The following ADGRV1 variants were observed in gnomAD, a reference collection of about 807,000 sequenced individuals.
The protein encoded by ADGRV1 is adhesion G protein-coupled receptor V1, also known as G-protein coupled receptor 98.
In ADGRV1, 359 loss-of-function variants were observed where a neutral mutation model predicts 596.2. That is an observed-to-expected ratio of 0.60 (90% CI 0.55 to 0.66). The LOEUF is 0.66. Among genes scored for constraint, ADGRV1 ranks in the 30% least tolerant of loss-of-function variants. ADGRV1 has a pLI of 0.00. For synonymous variants in ADGRV1, 2,681 were observed against 2,679.2 expected, an observed-to-expected ratio of 1.00 and a Z score of -0.02; for missense variants, 7,274 against 7,575.6, an observed-to-expected ratio of 0.96 and a Z score of 1.48.
At chr5:90,954,289 G>A (rs1777292068) in intron 83 of ADGRV1, among the ~76,000 whole-genome samples, 1 of 151,080 alleles carries the variant, frequency 6.6e-6, no homozygotes, top group Non-Finnish European at 1.5e-5. Context: ...GTATATATGT[G>A]CTCACTAAAT....
chr5:90,604,494 G>A (rs992716905), intron 1 of ADGRV1, among the ~76,000 whole-genome samples: 2 of 152,154 alleles, frequency 1.3e-5, no homozygotes, highest in African/African-American at 4.8e-5. Context: ...GCTAATTAAA[G>A]TTGTTTTCAG....
intron 86 of ADGRV1, among the ~76,000 whole-genome samples, chr5:91,099,867 G>A (rs944422996): frequency 3.9e-5 from 6 of 152,184 alleles, no homozygotes; most frequent in African/African-American, 1.4e-4. Context: ...AGATCTAAAT[G>A]TGTTTGTGTG....
intron 45 of ADGRV1, among the ~76,000 whole-genome samples, chr5:90,722,980 G>A (rs991688065): frequency 6.6e-6 from 1 of 151,972 alleles, no homozygotes; most frequent in Non-Finnish European, 1.5e-5. Flanking sequence ...GGAGAAAACA[G>A]GATGGCAGAT....
At chr5:91,081,523 C>T (rs914403910) in intron 86 of ADGRV1, among the ~76,000 whole-genome samples, 4 of 152,140 alleles carry the variant, frequency 2.6e-5, no homozygotes, top group African/African-American at 7.2e-5. Flanking sequence ...GTGACTCACG[C>T]CCGTAATCCC....
chr5:90,883,733 G>A (rs1037466544), intron 83 of ADGRV1, among the ~76,000 whole-genome samples: 6 of 152,076 alleles, frequency 3.9e-5, no homozygotes, highest in African/African-American at 1.4e-4. Flanking sequence ...GCATTTTGTA[G>A]CTAGCAGATA....
chr5:90,642,803 C>T, intron 12 of ADGRV1, 41 bp downstream of exon 12: 1 of 1,603,878 alleles, frequency 6.2e-7, no homozygotes, highest in Non-Finnish European at 8.5e-7. Flanking sequence ...GTGCTCACAA[C>T]TTTAGAAGAA....
At chr5:90,800,598 C>A (rs1210771828) in intron 70 of ADGRV1, among the ~76,000 whole-genome samples, 1 of 152,148 alleles carries the variant, frequency 6.6e-6, no homozygotes, top group African/African-American at 2.4e-5. Flanking sequence ...GATTATAAAT[C>A]ATTCTACTGT....
intron 29 of ADGRV1, among the ~76,000 whole-genome samples, chr5:90,689,238 G>A (rs929018701): frequency 1.8e-4 from 28 of 152,068 alleles, no homozygotes; most frequent in African/African-American, 6.8e-4. Flanking sequence ...GCCTGTAGAG[G>A]GCCTCACACA....
chr5:90,859,323 C>T (rs2150431867), intron 82 of ADGRV1, among the ~76,000 whole-genome samples: 1 of 152,288 alleles, frequency 6.6e-6, no homozygotes, highest in African/African-American at 2.4e-5. Context: ...AATAAATACA[C>T]AGTATTGATC....
intron 83 of ADGRV1, among the ~76,000 whole-genome samples, chr5:90,914,655 C>T (rs987271565): frequency 1.3e-5 from 2 of 152,038 alleles, no homozygotes; most frequent in Non-Finnish European, 2.9e-5. Context: ...TTCCCCATTT[C>T]TGATTGATTT....
intron 83 of ADGRV1, among the ~76,000 whole-genome samples, chr5:90,910,526 CTA>C (rs1467167655): frequency 6.6e-6 from 1 of 151,412 alleles, no homozygotes; most frequent in African/African-American, 2.4e-5. Flanking sequence ...CTTTTAGTGT[CTA>C]TGTTTAGTTT....
In ADGRV1 at chr5:90,966,801, G is replaced by A. The variant is rs781376407; in HGVS notation, c.17973+1270G>A. Among the ~76,000 whole-genome samples the A allele has an allele frequency of 9.2e-5, 14 of 152,272 alleles. 1 individual carries two copies. Among genetic ancestry groups the A allele is most frequent in the South Asian group, 4.1e-4 (2 of 4,824 alleles). On this transcript the variant is annotated intron_variant, in intron 84 of 89. Coordinates refer to ENST00000405460, the MANE Select transcript of ADGRV1 (RefSeq NM_032119.4). The stretch of plus-strand genomic sequence containing the variant: ...AGAGGCTAAGAGAGGAGGATGGTGC[G>A]TAGTATTTAAGTGGCTCAACTAAAA...
Position 90,704,425 on chromosome 5 carries a change from G to A in ADGRV1, c.8323G>A (p.Asp2775Asn). The A allele has an allele frequency of 6.3e-7, 1 of 1,583,290 alleles. No individual in the cohort carries two copies. Among genetic ancestry groups the A allele is most frequent in the Non-Finnish European group, 8.6e-7 (1 of 1,163,130 alleles). ...LNTTLFVHLL[D>N]DNIPEEKEVY... Reference sequence around the variant, plus strand: ...TACAACATTGTTTGTGCATTTGTTGGATGACAACATTCCTGAGGAGAAAGA... The same window carrying A: ...TACAACATTGTTTGTGCATTTGTTGAATGACAACATTCCTGAGGAGAAAGA... Residue 2775 changes from aspartate (D) to asparagine (N), a missense_variant, in exon 36 of 90, where the codon GAT becomes AAT. Asp to Asn is a conservative substitution (Grantham distance 23). This residue lies in a region of ADGRV1 where 3,643 missense variants were observed against 3,809.2 expected (regional missense o/e 0.96). Coordinates refer to ENST00000405460, the MANE Select transcript of ADGRV1 (RefSeq NM_032119.4).
chr5:90,800,020 A>G (rs1761184485), intron 70 of ADGRV1, among the ~76,000 whole-genome samples: 1 of 152,230 alleles, frequency 6.6e-6, no homozygotes, highest in African/African-American at 2.4e-5. Flanking sequence ...AGGTATGGGC[A>G]AAGACTTCAT....
chr5:90,927,790 T>C (rs753032983), intron 83 of ADGRV1, among the ~76,000 whole-genome samples: 2 of 152,230 alleles, frequency 1.3e-5, no homozygotes, highest in Non-Finnish European at 2.9e-5. Flanking sequence ...TTTCCATGTT[T>C]AGCGCTTCCT....
At chr5:90,909,951 C>G (rs1772703958) in intron 83 of ADGRV1, among the ~76,000 whole-genome samples, 1 of 152,184 alleles carries the variant, frequency 6.6e-6, no homozygotes, top group Non-Finnish European at 1.5e-5. Flanking sequence ...CCAAGTCACC[C>G]CATGTGTCAG....
chr5:90,820,642 C>A (rs1390023373), intron 75 of ADGRV1, among the ~76,000 whole-genome samples: 4 of 150,316 alleles, frequency 2.7e-5, no homozygotes, highest in African/African-American at 7.3e-5. Flanking sequence ...ATTTGCTTGT[C>A]TGTAAAGTAT....
intron 83 of ADGRV1, among the ~76,000 whole-genome samples, chr5:90,923,490 T>C (rs1157602362): frequency 6.6e-6 from 1 of 152,106 alleles, no homozygotes; most frequent in Non-Finnish European, 1.5e-5. Context: ...CTAGGATATA[T>C]ACATAAAACA....
intron 85 of ADGRV1, among the ~76,000 whole-genome samples, chr5:91,032,432 A>G (rs1012216167): frequency 6.6e-6 from 1 of 152,176 alleles, no homozygotes; most frequent in East Asian, 1.9e-4. Flanking sequence ...AACAACTGAC[A>G]TGTAATGGTG....
Sources: gnomAD v4.1 joint callset for allele counts (sites outside exome capture counted in the v4.1 genomes callset) on GRCh38, gnomAD v4.1.1 for gene constraint, gnomAD v4.1.1 regional missense constraint, MANE v1.5 for transcripts, NCBI Gene and HGNC (gene_info 2026-07-23, HGNC 2026-07-21) for gene names.